PCDHA1: variants seen among roughly 807,000 people sequenced by gnomAD.
PCDHA1 encodes protocadherin alpha 1.
In PCDHA1, 42 loss-of-function variants were observed where a neutral mutation model predicts 61.3. The ratio of observed to expected loss-of-function variants is 0.69; its 90% CI spans 0.54 to 0.89. PCDHA1 has a LOEUF of 0.89. PCDHA1 is among the 40% of genes least tolerant of loss of function. The pLI, the probability that PCDHA1 is intolerant of heterozygous loss-of-function variation, is 0.00. For synonymous variants in PCDHA1, 610 were observed against 553.8 expected (o/e 1.10, Z -1.43); for missense variants, 1,256 against 1,235.3 (o/e 1.02, Z -0.25).
chr5:140,869,182 G>A (rs2050897144), intron 1 of PCDHA1: 2 of 1,613,976 alleles, frequency 1.2e-6, no homozygotes, highest in East Asian at 2.2e-5. Flanking sequence ...CTGGGAGGTG[G>A]GGAGCGGCCA....
chr5:140,808,313 G>A (rs782336917), intron 1 of PCDHA1: 2 of 1,614,218 alleles, frequency 1.2e-6, no homozygotes, highest in South Asian at 1.1e-5. Flanking sequence ...CAGCGTGTCC[G>A]ACAAAGACAT....
rs563116049 is a variant in PCDHA1, at chr5:140,869,756, G to A, written c.2394+81072G>A. ...TTGCTGCTAACAGCTACAGACGGGGGAAAACCAGAGCTTACTGGCACCGTT... is the reference window on the plus strand; with the variant it reads ...TTGCTGCTAACAGCTACAGACGGGGAAAAACCAGAGCTTACTGGCACCGTT... On this transcript the variant is annotated intron_variant, in intron 1 of 3. Coordinates refer to ENST00000504120, the MANE Select transcript of PCDHA1 (RefSeq NM_018900.4). The A allele has an allele frequency of 3.2e-5, 51 of 1,613,194 alleles. No individual in the cohort carries two copies. Among genetic ancestry groups the A allele is most frequent in the Non-Finnish European group, 4.0e-5 (47 of 1,179,718 alleles).
intron 1 of PCDHA1, chr5:140,829,797 G>C: frequency 6.2e-7 from 1 of 1,613,852 alleles, no homozygotes; most frequent in Admixed American, 1.7e-5. Flanking sequence ...CTGGCGCCTC[G>C]GGTGGGTGGT....
chr5:140,874,192 T>C (rs1263028873), intron 1 of PCDHA1, among the ~76,000 whole-genome samples: 4 of 152,224 alleles, frequency 2.6e-5, no homozygotes, highest in African/African-American at 9.6e-5. Flanking sequence ...GGTGTCATAT[T>C]TCAGTTGCCT....
chr5:140,914,852 C>T (rs2076867528), intron 1 of PCDHA1, among the ~76,000 whole-genome samples: 1 of 151,838 alleles, frequency 6.6e-6, no homozygotes, highest in Non-Finnish European at 1.5e-5. Flanking sequence ...AAAAGGAAGA[C>T]TAATAAAAGT....
chr5:140,868,027 G>T (rs2050246308), intron 1 of PCDHA1: 1 of 151,988 alleles, frequency 6.6e-6, no homozygotes, highest in African/African-American at 2.4e-5. Context: ...AACCAATGTT[G>T]GTGACTTGGA....
chr5:140,808,935 G>A, intron 1 of PCDHA1: 1 of 1,613,714 alleles, frequency 6.2e-7, no homozygotes, highest in Non-Finnish European at 8.5e-7. Flanking sequence ...CTGGTGCCAT[G>A]GTCGGTGGGT....
In PCDHA1 at chr5:140,853,448, G is replaced by A; in HGVS notation, c.2394+64764G>A. ...AGACACTTTCCTATTTTGCCTAATA[G>A]GTCTCCTTATATGCATCTGTAGTTA... On this transcript the variant is annotated intron_variant, in intron 1 of 3. Transcript: ENST00000504120. 2.0e-6 allele frequency: 2 copies of A among 980,734 alleles called. 1 individual carries two copies. Among genetic ancestry groups the A allele is most frequent in the South Asian group, 9.5e-5 (2 of 21,032 alleles). 60.8% of individuals were successfully genotyped at this position (980,734 alleles called of 1,614,324 possible).
rs145079458 is a variant in PCDHA1, at chr5:140,855,999, T to C, written c.2394+67315T>C. 135 of 1,513,714 alleles carry C rather than the reference T, an allele frequency of 8.9e-5. 2 individuals are homozygous for C. The East Asian group carries it at 2.5e-3, about 28-fold the overall frequency. 93.8% of individuals were successfully genotyped at this position (1,513,714 alleles called of 1,614,324 possible). On this transcript the variant is annotated intron_variant, in intron 1 of 3. Transcript: ENST00000504120. ...AGGACAGAAAATGTCAGATCGTATG[T>C]GCGTTCTAGACCGCTGATTCGTCGA... is the stretch of plus-strand genomic sequence containing the variant.
At chr5:140,849,612 A>T in intron 1 of PCDHA1, 1 of 1,598,736 alleles carries the variant, frequency 6.3e-7, no homozygotes. Context: ...TGCCCTGATT[A>T]GTGTGATCGA....
At position 140,970,818 on chromosome 5, in the gene PCDHA1, G is replaced by A. The variant is rs77234853; in HGVS notation, c.2395-8131G>A. Among the ~76,000 whole-genome samples, 569 of 152,084 alleles carry A rather than the reference G, an allele frequency of 3.7e-3. 1 individual carries two copies. The highest frequency in any genetic ancestry group is 5.8e-3 in the South Asian group (28 of 4,824). On this transcript the variant is annotated intron_variant, in intron 1 of 3. Coordinates refer to ENST00000504120, the MANE Select transcript of PCDHA1 (RefSeq NM_018900.4). ...CATATTGTTACATTTCAAGTTCATGGTAATCTTGAGGAATGTAATGCACAG... is the reference window on the plus strand; with the variant it reads ...CATATTGTTACATTTCAAGTTCATGATAATCTTGAGGAATGTAATGCACAG...
At chr5:140,980,409 A>C (rs782265012) in intron 2 of PCDHA1, among the ~76,000 whole-genome samples, 3 of 152,188 alleles carry the variant, frequency 2.0e-5, no homozygotes, top group Non-Finnish European at 4.4e-5. Flanking sequence ...AGGTGGGCAG[A>C]TCATGAGGTC....
chr5:140,801,944 C>A, intron 1 of PCDHA1: 1 of 1,614,178 alleles, frequency 6.2e-7, no homozygotes, highest in African/African-American at 1.3e-5. Context: ...TCTATAAAGT[C>A]AGATTACTCG....
chr5:140,849,943 A>G lies in PCDHA1; in HGVS notation c.2394+61259A>G, dbSNP rs2150458955. The G allele has an allele frequency of 3.8e-6, 6 of 1,597,666 alleles. 2 individuals carry two copies. In the African/African-American group the frequency reaches 5.4e-5, roughly 14 times the overall value. On this transcript the variant is annotated intron_variant, in intron 1 of 3. Transcript: ENST00000504120. ...TTCACGGTGTCTGCGCGGGACGCTG[A>G]CGCGCAGGAGAACGCCCTGGTGTCC...
chr5:140,795,783 G>T, intron 1 of PCDHA1: 1 of 1,613,726 alleles, frequency 6.2e-7, no homozygotes, highest in Non-Finnish European at 8.5e-7. Context: ...ATGAAGGACC[G>T]AACAGCGAGA....
chr5:140,867,407 T>C (rs1376336154), intron 1 of PCDHA1: 1 of 152,154 alleles, frequency 6.6e-6, no homozygotes, highest in African/African-American at 2.4e-5. Flanking sequence ...ATATGTCTCC[T>C]TTAATTTTTT....
In PCDHA1 at chr5:140,843,235, C is replaced by G. The variant is rs2150355590; in HGVS notation, c.2394+54551C>G. On this transcript the variant is annotated intron_variant, in intron 1 of 3. Coordinates refer to ENST00000504120, the MANE Select transcript of PCDHA1 (RefSeq NM_018900.4). ...AGATCAGCACCACTCGTGTCCTGGACGAAGCGGACTCTCCGCGCCACCGTC... is the reference window on the plus strand; with the variant it reads ...AGATCAGCACCACTCGTGTCCTGGAGGAAGCGGACTCTCCGCGCCACCGTC... 1.0e-5 allele frequency: 16 copies of G among 1,595,840 alleles called. 2 individuals are homozygous for G. The African/African-American group carries it at 1.2e-4, about 12-fold the overall frequency.
chr5:140,847,280 A>T (rs2150398686), intron 1 of PCDHA1, among the ~76,000 whole-genome samples: 1 of 149,896 alleles, frequency 6.7e-6, no homozygotes, highest in Non-Finnish European at 1.5e-5. Context: ...TTGAACGGGA[A>T]GACAAACTCA....
chr5:140,968,727 G>A, intron 1 of PCDHA1: 1 of 1,614,162 alleles, frequency 6.2e-7, no homozygotes, highest in Admixed American at 1.7e-5. Context: ...GAGAGTGGTA[G>A]CACTTTCAAC....
Sources: gnomAD v4.1 joint callset for allele counts (sites outside exome capture counted in the v4.1 genomes callset) on GRCh38, gnomAD v4.1.1 for gene constraint, MANE v1.5 for transcripts, NCBI Gene and HGNC (gene_info 2026-07-23, HGNC 2026-07-21) for gene names.